Variants in SMG5 observed in about 807,000 individuals in gnomAD.
SMG5 encodes nonsense-mediated mRNA decay factor SMG5.
SMG5 carries 53 observed loss-of-function variants against 122.9 expected under a neutral mutation model. That is an observed-to-expected ratio of 0.43 (90% CI 0.35 to 0.54). SMG5 has a LOEUF of 0.54. SMG5 is among the 20% of genes least tolerant of loss of function. The probability of loss-of-function intolerance (pLI) is 0.01; values close to 1 mark genes in which losing one functional copy is unlikely to be tolerated. For missense variants in SMG5, 1,153 were observed against 1,285.6 expected, an observed-to-expected ratio of 0.90 and a Z score of 1.58; for synonymous variants, 477 against 490.2, an observed-to-expected ratio of 0.97 and a Z score of 0.35.
chr1:156,282,967 G>A, upstream of SMG5: 1 of 531,144 alleles, frequency 1.9e-6, no homozygotes, highest in Non-Finnish European at 3.3e-6. Context: ...GCGTCTTTCC[G>A]GCTTCTCCAA....
At chr1:156,263,672 G>T in intron 12 of SMG5, 102 bp from the exon 13 acceptor site, 1 of 1,321,172 alleles carries the variant, frequency 7.6e-7, no homozygotes, top group Non-Finnish European at 1.0e-6. Context: ...ACCTGGCCTG[G>T]GCCCTTCCAA....
upstream of SMG5, among the ~76,000 whole-genome samples, chr1:156,286,818 T>C (rs1033935885): frequency 6.6e-6 from 1 of 152,186 alleles, no homozygotes; most frequent in African/African-American, 2.4e-5. Context: ...TAAAAATAGA[T>C]ATATTTTTTC....
chr1:156,289,598 C>G, the SMG5 span, among the ~76,000 whole-genome samples: 4 of 152,022 alleles, frequency 2.6e-5, no homozygotes, highest in Non-Finnish European at 5.9e-5. Flanking sequence ...GGCGACAGAG[C>G]GAGACTCTGT....
chr1:156,266,801 CTTTTT>C, intron 10 of SMG5, 123 bp from the exon 11 acceptor site: 6 of 885,896 alleles, frequency 6.8e-6, no homozygotes, highest in South Asian at 2.1e-5. Flanking sequence ...ATCAAAGATT[CTTTTT>C]TTTTTTTTTT....
chr1:156,254,692 G>A (rs962349651), intron 16 of SMG5, among the ~76,000 whole-genome samples: 2 of 152,080 alleles, frequency 1.3e-5, no homozygotes, highest in African/African-American at 2.4e-5. Context: ...CAATCTGCCC[G>A]CCTTGGCCTC....
chr1:156,272,861 G>A (rs180909455), intron 6 of SMG5, among the ~76,000 whole-genome samples: 2 of 152,148 alleles, frequency 1.3e-5, no homozygotes, highest in Admixed American at 6.5e-5. Flanking sequence ...CACCGCGCCC[G>A]GCCTACTGAC....
At position 156,250,866 on chromosome 1, in the gene SMG5, G is replaced by A; in HGVS notation, c.2959C>T (p.Pro987Ser). ...PLDNPSVLSG[P>S]MQAALQAAAH... The stretch of plus-strand genomic sequence containing the variant: ...CCTCACCCATGACCCACCTGCATGG[G>A]GCCTGAAAGCACGCTGGGGTTGTCC... Residue 987 changes from proline to serine, a missense_variant, in exon 21 of 22, where the codon CCC becomes TCC. By Grantham distance (74) the Pro-to-Ser change is moderately conservative. Coordinates refer to ENST00000361813, the MANE Select transcript of SMG5 (RefSeq NM_015327.3). The A allele has an allele frequency of 6.2e-7, 1 of 1,613,890 alleles. No individual in the cohort carries two copies. Among genetic ancestry groups the A allele is most frequent in the African/African-American group, 1.3e-5 (1 of 75,006 alleles).
At chr1:156,278,900 A>G in intron 2 of SMG5, 36 bp downstream of exon 2, 6 of 1,552,200 alleles carry the variant, frequency 3.9e-6, no homozygotes, top group Non-Finnish European at 5.3e-6. Context: ...AGGCAGGGAA[A>G]CAGTAAGGAT....
chr1:156,291,366 C>T, the SMG5 span: 2 of 1,612,562 alleles, frequency 1.2e-6, no homozygotes, highest in South Asian at 1.1e-5. Flanking sequence ...GTAGCCTGAC[C>T]CTTTTCTTGC....
Position 156,267,493 on chromosome 1 carries a change from C to T in SMG5, c.1094G>A (p.Cys365Tyr). The T allele has an allele frequency of 6.2e-7, 1 of 1,614,126 alleles. No homozygotes were observed. Among genetic ancestry groups the T allele is most frequent in the Non-Finnish European group, 8.5e-7 (1 of 1,179,994 alleles). ...ACCTGCTCTCTCCAAGCTGTGCACA[C>T]ACATAAGGCAGATGATGACCATTTG... Reference protein sequence around the residue: ...IFQMVIICLMCVHSLERAGSK... With the variant: ...IFQMVIICLMYVHSLERAGSK... The change falls in exon 10 of 22, where the codon TGT becomes TAT. Residue 365 changes from cysteine to tyrosine, a missense_variant. By Grantham distance (194) the Cys-to-Tyr change is radical (BLOSUM62 -2). Around this residue, in one of 5 missense-constraint regions of SMG5, gnomAD observed 631 missense variants for 650.6 expected, o/e 0.97. Transcript: ENST00000361813.
chr1:156,272,425 C>CT, intron 6 of SMG5, 27 bp from the exon 7 acceptor site: 1 of 1,574,790 alleles, frequency 6.4e-7, no homozygotes, highest in Non-Finnish European at 8.7e-7. Context: ...TTCATGCAGT[C>CT]TAAGGCCACA....
Position 156,249,844 on chromosome 1 carries a change from G to A in SMG5, c.*743C>T, listed in dbSNP as rs1032231748. 8 of 471,132 alleles carry A rather than the reference G, an allele frequency of 1.7e-5. No individual in the cohort carries two copies. Among genetic ancestry groups the A allele is most frequent in the Admixed American group, 4.7e-5 (2 of 42,574 alleles). The allele number at this position is 471,132 out of a possible 1,614,324, so 29.2% of individuals were successfully genotyped here. A position where few individuals can be genotyped will look rare whatever the true frequency, so the allele number is the denominator to read the frequency against. ...GTGGGGCTGGTGGGCACAGGAGACC[G>A]TGCTGGCACAGGCCAGACTGCCTGC... On this transcript the variant is annotated 3_prime_UTR_variant, in exon 22 of 22. Transcript: ENST00000361813.
chr1:156,280,479 T>C (rs567367450), intron 1 of SMG5, among the ~76,000 whole-genome samples: 102 of 152,354 alleles, frequency 6.7e-4, no homozygotes, highest in African/African-American at 2.5e-3. Flanking sequence ...CAAGCAATCA[T>C]GTTTCTTCAA....
intron 8 of SMG5, 32 bp from the exon 9 acceptor site, chr1:156,268,215 A>G: frequency 6.2e-7 from 1 of 1,614,098 alleles, no homozygotes; most frequent in South Asian, 1.1e-5. Context: ...GTAAATGCTG[A>G]ATGGTCCCGC....
At chr1:156,251,554 C>T in intron 19 of SMG5, 77 bp from the exon 20 acceptor site, 1 of 1,463,906 alleles carries the variant, frequency 6.8e-7, no homozygotes, top group Non-Finnish European at 9.6e-7. Flanking sequence ...TCTGTTGTGG[C>T]TCTGGGGGCC....
chr1:156,291,358 A>G, the SMG5 span: 1 of 1,609,758 alleles, frequency 6.2e-7, no homozygotes, highest in Non-Finnish European at 8.5e-7. Flanking sequence ...CCTCGAGAGT[A>G]GCCTGACCCT....
rs570185410 is a variant in SMG5, at chr1:156,272,177, C to G, written c.713+143G>C. On this transcript the variant is annotated intron_variant, in intron 7 of 21. Transcript: ENST00000361813. ...AAAAGCAGCAGGGCTGTGTCAGAGTCCCCCTGAATGGAGAGACCCTTCAAT... is the reference window on the plus strand; with the variant it reads ...AAAAGCAGCAGGGCTGTGTCAGAGTGCCCCTGAATGGAGAGACCCTTCAAT... The G allele has an allele frequency of 4.2e-6, 3 of 718,900 alleles. No individual in the cohort carries two copies. The East Asian group carries it at 8.2e-5, about 20-fold the overall frequency. 44.5% of individuals were successfully genotyped at this position (718,900 alleles called of 1,614,324 possible). A position where few individuals can be genotyped will look rare whatever the true frequency, so the allele number is the denominator to read the frequency against.
chr1:156,277,670 G>A (rs896292998), intron 3 of SMG5, among the ~76,000 whole-genome samples: 4 of 151,892 alleles, frequency 2.6e-5, no homozygotes, highest in African/African-American at 4.8e-5. Flanking sequence ...GCACCACCAC[G>A]TCCAGCTAAT....
intron 4 of SMG5, among the ~76,000 whole-genome samples, chr1:156,276,124 T>C (rs1397769226): frequency 6.8e-6 from 1 of 146,134 alleles, no homozygotes; most frequent in Non-Finnish European, 1.5e-5. Context: ...TCTAGAGGTT[T>C]GGCTTTTTTT....
Sources: gnomAD v4.1 joint callset for allele counts (sites outside exome capture counted in the v4.1 genomes callset) on GRCh38, gnomAD v4.1.1 for gene constraint, gnomAD v4.1.1 regional missense constraint, MANE v1.5 for transcripts, NCBI Gene and HGNC (gene_info 2026-07-23, HGNC 2026-07-21) for gene names.